The following POU6F2 variants were observed in gnomAD, a reference collection of about 807,000 sequenced individuals.
The protein encoded by POU6F2 is POU class 6 homeobox 2.
POU6F2 carries 31 observed loss-of-function variants against 71.3 expected under a neutral mutation model. The ratio of observed to expected loss-of-function variants is 0.43; its 90% CI spans 0.33 to 0.59. The LOEUF (loss-of-function observed/expected upper bound fraction) is 0.59. Ranked by LOEUF, POU6F2 falls within the 20% of genes least tolerant of loss-of-function variation. POU6F2 has a pLI of 0.04. For synonymous variants in POU6F2, 347 were observed against 355.7 expected (o/e 0.98, Z 0.27); for missense variants, 783 against 856.8 (o/e 0.91, Z 1.07).
At chr7:39,179,168 CGATTGTCTTA>C (rs1187046702) in intron 2 of POU6F2, among the ~76,000 whole-genome samples, 2 of 152,118 alleles carry the variant, frequency 1.3e-5, no homozygotes, top group African/African-American at 2.4e-5. Flanking sequence ...TATATCAAGA[CGATTGTCTTA>C]AGTGCCGTGG....
Position 39,398,526 on chromosome 7 carries a change from A to G in POU6F2, c.973-8074A>G, listed in dbSNP as rs558407354. Among the ~76,000 whole-genome samples, 178 of 138,814 alleles carry G rather than the reference A, an allele frequency of 1.3e-3. 1 individual carries two copies. Among genetic ancestry groups the G allele is most frequent in the African/African-American group, 4.4e-3 (163 of 36,640 alleles). The allele number at this position is 138,814 out of a possible 152,430, so 91.1% of individuals were successfully genotyped here. On this transcript the variant is annotated intron_variant, in intron 5 of 9. Coordinates refer to ENST00000518318, the MANE Select transcript of POU6F2 (RefSeq NM_001370959.1). ...TATTTTGCACCAGATTCTAGACATC[A>G]TATCATTTGCTTATAAATCTTTTGG...
At chr7:39,461,336 A>G (rs1788945354) in intron 9 of POU6F2, among the ~76,000 whole-genome samples, 1 of 152,220 alleles carries the variant, frequency 6.6e-6, no homozygotes. Context: ...AAATAAATGA[A>G]TAACAGAATC....
chr7:39,384,413 G>A (rs192268452), intron 5 of POU6F2, among the ~76,000 whole-genome samples: 3 of 152,328 alleles, frequency 2.0e-5, no homozygotes, highest in Admixed American at 2.0e-4. Context: ...CAATGATCAT[G>A]TCTGAAGACT....
chr7:39,030,915 T>G (rs902064911), intron 1 of POU6F2, among the ~76,000 whole-genome samples: 1 of 151,988 alleles, frequency 6.6e-6, no homozygotes, highest in Non-Finnish European at 1.5e-5. Context: ...ATTTATTTAG[T>G]TTTTGAGACA....
chr7:39,162,890 C>T (rs544911681), intron 2 of POU6F2, among the ~76,000 whole-genome samples: 2 of 152,232 alleles, frequency 1.3e-5, no homozygotes, highest in South Asian at 4.2e-4. Flanking sequence ...GTTTTCTAGG[C>T]ATCTGTAACA....
At chr7:39,312,605 T>C (rs1785187001) in intron 4 of POU6F2, among the ~76,000 whole-genome samples, 1 of 152,234 alleles carries the variant, frequency 6.6e-6, no homozygotes, top group Admixed American at 6.5e-5. Flanking sequence ...TTTTCCCTTA[T>C]TAAGTTGAGA....
At chr7:39,386,626 G>C (rs1024170083) in intron 5 of POU6F2, among the ~76,000 whole-genome samples, 1 of 152,158 alleles carries the variant, frequency 6.6e-6, no homozygotes. Flanking sequence ...TGATGGGAAA[G>C]GTCACCTTAT....
chr7:39,392,896 T>A (rs571947161), intron 5 of POU6F2, among the ~76,000 whole-genome samples: 3 of 152,352 alleles, frequency 2.0e-5, no homozygotes, highest in African/African-American at 4.8e-5. Context: ...AAGCATTTTT[T>A]AAAATATTTT....
intron 4 of POU6F2, among the ~76,000 whole-genome samples, chr7:39,228,805 G>T (rs1794520465): frequency 6.6e-6 from 1 of 152,176 alleles, no homozygotes; most frequent in Non-Finnish European, 1.5e-5. Flanking sequence ...TGTAATTGCA[G>T]CCCTGGGAAT....
intron 4 of POU6F2, among the ~76,000 whole-genome samples, chr7:39,253,851 A>G (rs984957408): frequency 6.6e-6 from 1 of 152,148 alleles, no homozygotes; most frequent in East Asian, 1.9e-4. Flanking sequence ...TAGCCAAACC[A>G]TTATATTTTT....
intron 1 of POU6F2, among the ~76,000 whole-genome samples, chr7:39,021,673 A>G (rs948096916): frequency 2.6e-5 from 4 of 151,946 alleles, no homozygotes; most frequent in African/African-American, 9.7e-5. Flanking sequence ...CATTATAGTT[A>G]TGTTGATTCA....
intron 4 of POU6F2, among the ~76,000 whole-genome samples, chr7:39,310,740 AGGCAAGAG>A (rs1785146616): frequency 6.6e-6 from 1 of 152,202 alleles, no homozygotes; most frequent in African/African-American, 2.4e-5. Flanking sequence ...GCAGAATGAA[AGGCAAGAG>A]GGCACACCAG....
intron 2 of POU6F2, among the ~76,000 whole-genome samples, chr7:39,099,711 T>C (rs996450546): frequency 1.3e-4 from 20 of 152,302 alleles, no homozygotes; most frequent in African/African-American, 4.8e-4. Flanking sequence ...AATACCTATC[T>C]GATGGGATGT....
intron 4 of POU6F2, among the ~76,000 whole-genome samples, chr7:39,254,282 G>A (rs1054275528): frequency 2.0e-5 from 3 of 152,130 alleles, no homozygotes; most frequent in Non-Finnish European, 4.4e-5. Context: ...CATTCGCAAC[G>A]GCCTGATATC....
chr7:39,028,273 C>G (rs1262919646), intron 1 of POU6F2, among the ~76,000 whole-genome samples: 1 of 151,946 alleles, frequency 6.6e-6, no homozygotes, highest in African/African-American at 2.4e-5. Context: ...TATGTTTTTA[C>G]TTTCTTTATG....
chr7:39,445,253 G>A (rs1488307344), intron 7 of POU6F2, among the ~76,000 whole-genome samples: 1 of 152,198 alleles, frequency 6.6e-6, no homozygotes, highest in Non-Finnish European at 1.5e-5. Flanking sequence ...CACCCAGAAT[G>A]AGATAGAAAT....
intron 7 of POU6F2, among the ~76,000 whole-genome samples, chr7:39,436,474 TA>T (rs58110712): frequency 0.34 from 51,036 of 151,836 alleles, 9,563 homozygotes; most frequent in East Asian, 0.58. Flanking sequence ...ATTGATTTTG[TA>T]TCCTGAGACT....
Position 39,207,375 on chromosome 7 carries a change from T to TA in POU6F2, c.370-16dup. 1 of 1,611,618 alleles carries TA rather than the reference T, an allele frequency of 6.2e-7. No homozygotes were observed. Among genetic ancestry groups the TA allele is most frequent in the Non-Finnish European group, 8.5e-7 (1 of 1,178,074 alleles). ...GTTCCACAGGAAAGTGAGCTAGCTG[T>TA]ATCTGTTTCCTTGCAGCCACTTCTG... On this transcript the variant is annotated splice_polypyrimidine_tract_variant and intron_variant, in intron 3 of 9. Transcript: ENST00000518318.
At chr7:39,409,136 A>G (rs1481086738) in intron 6 of POU6F2, among the ~76,000 whole-genome samples, 1 of 152,220 alleles carries the variant, frequency 6.6e-6, no homozygotes, top group Non-Finnish European at 1.5e-5. Context: ...CCCATTTTCA[A>G]TTTCTTAAAA....
Sources: allele counts gnomAD v4.1 joint callset (sites outside exome capture counted in the v4.1 genomes callset), GRCh38; gene constraint gnomAD v4.1.1; transcripts MANE v1.5; gene names NCBI Gene and HGNC (gene_info 2026-07-23, HGNC 2026-07-21).